Variants in CSMD1 observed in about 807,000 individuals in gnomAD.
CSMD1 encodes CUB and sushi domain-containing protein 1.
Under a neutral mutation model 417.5 loss-of-function variants are expected in CSMD1, and 213 were observed. The observed-to-expected ratio is 0.51, with a 90% CI of 0.46 to 0.57. CSMD1 has a LOEUF of 0.57. Among genes scored for constraint, CSMD1 ranks in the 20% least tolerant of loss-of-function variants. The pLI is 0.00. For synonymous variants in CSMD1, 2,862 were observed against 1,736.8 expected, an observed-to-expected ratio of 1.65 and a Z score of -16.11; for missense variants, 6,923 against 4,529.7, an observed-to-expected ratio of 1.53 and a Z score of -15.17.
chr8:4,101,688 C>T (rs1489458150), intron 3 of CSMD1, among the ~76,000 whole-genome samples: 1 of 152,104 alleles, frequency 6.6e-6, no homozygotes, highest in East Asian at 1.9e-4. Flanking sequence ...GTGATGGTAA[C>T]CAAATGATTG....
At chr8:4,544,947 A>G (rs1403994648) in intron 2 of CSMD1, among the ~76,000 whole-genome samples, 1 of 152,246 alleles carries the variant, frequency 6.6e-6, no homozygotes, top group East Asian at 1.9e-4. Context: ...GAGAAGTTTA[A>G]AAACATAATA....
intron 15 of CSMD1, among the ~76,000 whole-genome samples, chr8:3,404,932 G>C (rs2116892113): frequency 6.6e-6 from 1 of 151,938 alleles, no homozygotes; most frequent in East Asian, 1.9e-4. Flanking sequence ...AAATAGTCTT[G>C]CAGAAAACAT....
intron 4 of CSMD1, among the ~76,000 whole-genome samples, chr8:4,010,820 C>A (rs543568583): frequency 1.3e-5 from 2 of 152,160 alleles, no homozygotes; most frequent in Non-Finnish European, 2.9e-5. Context: ...ACCTTTGGTT[C>A]CAGTCTAGGC....
intron 1 of CSMD1, among the ~76,000 whole-genome samples, chr8:4,724,415 G>C (rs1809274529): frequency 6.6e-6 from 1 of 151,814 alleles, no homozygotes; most frequent in African/African-American, 2.4e-5. Flanking sequence ...AGTAAAATCA[G>C]ACTTAAATAT....
At chr8:4,275,047 C>T (rs991503645) in intron 3 of CSMD1, among the ~76,000 whole-genome samples, 91 of 152,040 alleles carry the variant, frequency 6.0e-4, no homozygotes, top group African/African-American at 2.1e-3. Context: ...AAACTACTTG[C>T]TCCAAGAAAT....
At chr8:3,934,417 C>T (rs2688265) in intron 5 of CSMD1, among the ~76,000 whole-genome samples, 89,625 of 151,920 alleles carry the variant, frequency 0.59, 26,703 homozygotes, top group African/African-American at 0.64. Context: ...TAATGAACAC[C>T]GGTAGTAATT....
In CSMD1 at chr8:4,680,647, T is replaced by C. The variant is rs1805980164; in HGVS notation, c.86-43089A>G. 2.0e-5 allele frequency among the ~76,000 whole-genome samples: 3 copies of C among 152,136 alleles called. 1 individual carries two copies. Among genetic ancestry groups the C allele is most frequent in the African/African-American group, 7.2e-5 (3 of 41,430 alleles). On this transcript the variant is annotated intron_variant, in intron 1 of 69. Transcript: ENST00000635120. Reference sequence around the variant, plus strand: ...CAGGCTGGAGTGCAGTGGCATGATCTTGGCTCACTGCAACCTCTGCCTCCC... The same window carrying C: ...CAGGCTGGAGTGCAGTGGCATGATCCTGGCTCACTGCAACCTCTGCCTCCC...
In CSMD1 at chr8:3,105,044, G is replaced by A. The variant is rs114439186; in HGVS notation, c.6949+1484C>T. On this transcript the variant is annotated intron_variant, in intron 46 of 69. Coordinates refer to ENST00000635120, the MANE Select transcript of CSMD1 (RefSeq NM_033225.6). ...TTGAAGAGGATCCATGCACAGGTGT[G>A]AGCATCTGCAAAACCACTGCGAAGT... is the stretch of plus-strand genomic sequence containing the variant. Among the ~76,000 whole-genome samples the A allele has an allele frequency of 4.9e-3, 743 of 152,330 alleles. 6 individuals carry two copies. The highest frequency in any genetic ancestry group is 0.017 in the African/African-American group (707 of 41,574).
intron 3 of CSMD1, among the ~76,000 whole-genome samples, chr8:4,158,178 G>C (rs777801950): frequency 1.5e-4 from 22 of 150,846 alleles, no homozygotes; most frequent in Middle Eastern, 6.9e-3. Flanking sequence ...TTTTAGTGAA[G>C]TCTCTCCTTT....
chr8:3,087,077 G>A lies in CSMD1; in HGVS notation c.7474+20C>T, dbSNP rs1334443290. ...GCAATACACAGGAAACAAGGCTGGG[G>A]ATGAAAACGCATTTCTTACCCTGGC... On this transcript the variant is annotated intron_variant, in intron 49 of 69. Coordinates refer to ENST00000635120, the MANE Select transcript of CSMD1 (RefSeq NM_033225.6). 1.2e-6 allele frequency: 2 copies of A among 1,603,638 alleles called. No individual in the cohort carries two copies. Among genetic ancestry groups the A allele is most frequent in the East Asian group, 2.2e-5 (1 of 44,788 alleles).
rs548186240 is a variant in CSMD1, at chr8:3,066,409, T to A, written c.7475-13762A>T. On this transcript the variant is annotated intron_variant, in intron 49 of 69. Transcript: ENST00000635120. ...TCAGTGACAGAACTCAAATGAGAAC[T>A]CCCTTCTTGCTGACTTTTCCATTAC... Among the ~76,000 whole-genome samples the A allele has an allele frequency of 2.0e-5, 3 of 152,320 alleles. No individual in the cohort carries two copies. In the East Asian group the frequency reaches 5.8e-4, roughly 29 times the overall value.
At chr8:4,240,501 G>A (rs1177796001) in intron 3 of CSMD1, among the ~76,000 whole-genome samples, 2 of 152,176 alleles carry the variant, frequency 1.3e-5, no homozygotes, top group African/African-American at 2.4e-5. Flanking sequence ...CACAAAGCCT[G>A]CAGCAAGAAT....
At chr8:4,620,111 A>C in intron 2 of CSMD1, among the ~76,000 whole-genome samples, 1 of 151,974 alleles carries the variant, frequency 6.6e-6, no homozygotes. Context: ...AATTATTATC[A>C]GTTATAGGAG....
At chr8:3,152,619 T>C (rs573313510) in intron 39 of CSMD1, among the ~76,000 whole-genome samples, 1 of 152,330 alleles carries the variant, frequency 6.6e-6, no homozygotes, top group South Asian at 2.1e-4. Flanking sequence ...GGGCACCATA[T>C]TCTGGATTTC....
At chr8:4,383,163 C>T (rs1431188445) in intron 3 of CSMD1, among the ~76,000 whole-genome samples, 1 of 152,118 alleles carries the variant, frequency 6.6e-6, no homozygotes, top group African/African-American at 2.4e-5. Context: ...AATTTCTCAC[C>T]TTAGCTCCAG....
chr8:4,959,514 CCAA>C (rs1319823509), intron 1 of CSMD1, among the ~76,000 whole-genome samples: 1 of 152,224 alleles, frequency 6.6e-6, no homozygotes, highest in African/African-American at 2.4e-5. Context: ...TATCCAGAAT[CCAA>C]CAACTTCCAG....
intron 5 of CSMD1, among the ~76,000 whole-genome samples, chr8:3,912,431 T>A (rs1485304852): frequency 1.3e-5 from 2 of 152,298 alleles, no homozygotes; most frequent in Admixed American, 1.3e-4. Context: ...GATTTCTACT[T>A]AGAGTAGACC....
chr8:4,024,810 T>A (rs7831358), intron 4 of CSMD1, among the ~76,000 whole-genome samples: 26,087 of 152,184 alleles, frequency 0.17, 3,056 homozygotes, highest in African/African-American at 0.32. Context: ...GGGAACTTCC[T>A]GAGTATGACT....
At chr8:4,633,124 T>C (rs1802620957) in intron 2 of CSMD1, among the ~76,000 whole-genome samples, 1 of 152,126 alleles carries the variant, frequency 6.6e-6, no homozygotes, top group Admixed American at 6.6e-5. Context: ...GAAAGGATCG[T>C]GCATTGGTCT....
Sources: allele counts gnomAD v4.1 joint callset (sites outside exome capture counted in the v4.1 genomes callset), GRCh38; gene constraint gnomAD v4.1.1; transcripts MANE v1.5; gene names NCBI Gene and HGNC (gene_info 2026-07-23, HGNC 2026-07-21).